Variants in ARFIP2 observed in about 807,000 individuals in gnomAD.
ARFIP2 encodes ARF interacting protein 2.
Under a neutral mutation model 39.2 loss-of-function variants are expected in ARFIP2, and 14 were observed. The observed-to-expected ratio is 0.36, with a 90% CI of 0.24 to 0.56. The LOEUF is 0.56. Ranked by LOEUF, ARFIP2 falls within the 20% of genes least tolerant of loss-of-function variation. The probability of loss-of-function intolerance (pLI) is 0.85; values close to 1 mark genes in which losing one functional copy is unlikely to be tolerated. For missense variants in ARFIP2, 305 were observed against 422.5 expected (o/e 0.72, Z 2.44); for synonymous variants, 167 against 172.4 (o/e 0.97, Z 0.24).
intron 1 of ARFIP2, 138 bp from the exon 2 acceptor site, chr11:6,480,601 G>C (rs1355980273): frequency 1.1e-5 from 6 of 552,788 alleles, no homozygotes; most frequent in Admixed American, 7.1e-5. Context: ...TCAGATATAT[G>C]TATTTCTCCC....
intron 1 of ARFIP2, chr11:6,480,685 T>G: frequency 5.1e-6 from 2 of 392,422 alleles, no homozygotes; most frequent in Middle Eastern, 6.9e-4. Context: ...TCACCAGGAC[T>G]CTGGTGATTA....
Position 6,478,291 on chromosome 11 carries a change from AC to A in ARFIP2, c.538-94del. The A allele has an allele frequency of 6.9e-7, 1 of 1,442,542 alleles. No homozygotes were observed. 89.4% of individuals were successfully genotyped at this position (1,442,542 alleles called of 1,614,324 possible). On this transcript the variant is annotated intron_variant, in intron 5 of 7. Transcript: ENST00000396777. This position sits in a 1 kb window ranked among gnomAD's most constrained non-coding sequence, Gnocchi z 4.8. ...CATTCCCCTCCTCCCCGGGGAGGAC[AC>A]AGCCAGCAAAACTGGAACAACCAAG...
chr11:6,479,087 G>A lies in ARFIP2; in HGVS notation c.315+53C>T, dbSNP rs200729824. ...GGATATTACGATCACGAAGAAAAGG[G>A]AAAAAGGTACCCATAAGGAGTTTTG... On this transcript the variant is annotated intron_variant, in intron 4 of 7. Transcript: ENST00000396777. 2.1e-3 allele frequency: 3,294 copies of A among 1,593,576 alleles called. 38 individuals carry two copies. The highest frequency in any genetic ancestry group is 0.017 in the South Asian group (1,559 of 89,644).
intron 1 of ARFIP2, chr11:6,480,742 C>A: frequency 3.9e-6 from 1 of 255,788 alleles, no homozygotes. Flanking sequence ...TACTATGTGT[C>A]AGGCACTATT....
Position 6,476,628 on chromosome 11 carries a change from G to A in ARFIP2, c.*485C>T, listed in dbSNP as rs143046079. On this transcript the variant is annotated 3_prime_UTR_variant, in exon 8 of 8. Transcript: ENST00000396777. ...GTAGGCCTATTCAGATGCAAGGCCA[G>A]CAATGGGGCTCCCCATTATCCCCAC... 1.4e-4 allele frequency: 22 copies of A among 158,876 alleles called. No individual in the cohort carries two copies. The highest frequency in any genetic ancestry group is 2.9e-4 in the Non-Finnish European group (21 of 71,254). 9.8% of individuals were successfully genotyped at this position (158,876 alleles called of 1,614,324 possible). A position where few individuals can be genotyped will look rare whatever the true frequency, so the allele number is the denominator to read the frequency against.
chr11:6,479,306 C>A, intron 3 of ARFIP2, 48 bp from the exon 4 acceptor site: 3 of 1,613,266 alleles, frequency 1.9e-6, no homozygotes, highest in Non-Finnish European at 2.5e-6. Context: ...ATACACCAGA[C>A]ACCTCTGTGG....
In ARFIP2 at chr11:6,480,410, C is replaced by T; in HGVS notation, c.12G>A (p.Gly4=). The change falls in exon 2 of 8, where the codon GGG becomes GGA. Residue 4 remains glycine, a synonymous_variant. Transcript: ENST00000396777. ...CCATTGTGGCTGCCTTCCCTAGGAT[C>T]CCGTCCGTCATGGCTAGGAAAGGTA... The part of the protein sequence containing the change: MTD[G]ILGKAATMEI... 1 of 1,611,980 alleles carries T rather than the reference C, an allele frequency of 6.2e-7. No homozygotes were observed. The highest frequency in any genetic ancestry group is 8.5e-7 in the Non-Finnish European group (1 of 1,179,064).
Position 6,479,442 on chromosome 11 carries a change from T to C in ARFIP2, c.197-184A>G, listed in dbSNP as rs1468934015. On this transcript the variant is annotated intron_variant, in intron 3 of 7. Transcript: ENST00000396777. ...GCGCGGTGAGAACCAAATCCTGATA[T>C]ACATATGGCCTCCTTGGGGGTTAGA... 6.0e-6 allele frequency: 7 copies of C among 1,167,906 alleles called. No homozygotes were observed. In the African/African-American group the frequency reaches 7.6e-5, roughly 13 times the overall value. The allele number at this position is 1,167,906 out of a possible 1,614,324, so 72.3% of individuals were successfully genotyped here.
rs755561269 is a variant in ARFIP2 at position 6,480,087 on chromosome 11, G to C, written c.100-19C>G. On this transcript the variant is annotated intron_variant, in intron 2 of 7. Transcript: ENST00000396777. ...GGAGGTCCTATAGGCCAGAGAAGAG[G>C]GGTTGCTTCAGGAACATAGGGGCTG... The C allele has an allele frequency of 1.9e-6, 3 of 1,605,622 alleles. No homozygotes were observed. Among genetic ancestry groups the C allele is most frequent in the Non-Finnish European group, 2.6e-6 (3 of 1,175,336 alleles).
rs767165568 is a variant in ARFIP2 at position 6,477,299 on chromosome 11, G to C, written c.871-31C>G. On this transcript the variant is annotated intron_variant, in intron 7 of 7. Transcript: ENST00000396777. This position sits in a 1 kb window ranked among gnomAD's most constrained non-coding sequence, Gnocchi z 4.8. ...GGTCCAGCAGGGTCAGCTAAGGCTG[G>C]ACTCAGGCGCCCTTCTTGAGGGTCT... 1 of 1,602,936 alleles carries C rather than the reference G, an allele frequency of 6.2e-7. No individual in the cohort carries two copies.
At position 6,477,052 on chromosome 11, in the gene ARFIP2, C is replaced by T. The variant is rs889142735; in HGVS notation, c.*61G>A. The T allele has an allele frequency of 2.6e-6, 4 of 1,532,716 alleles. No individual in the cohort carries two copies. The Admixed American group carries it at 5.9e-5, about 22-fold the overall frequency. 94.9% of individuals were successfully genotyped at this position (1,532,716 alleles called of 1,614,324 possible). A position where few individuals can be genotyped will look rare whatever the true frequency, so the allele number is the denominator to read the frequency against. ...AAAGGATGTACCATGTCCAATCTCC[C>T]ACACCCTGGGGCTGCCCTTCCCAAT... On this transcript the variant is annotated 3_prime_UTR_variant, in exon 8 of 8. Coordinates refer to ENST00000396777, the MANE Select transcript of ARFIP2 (RefSeq NM_001376558.2). This position sits in a 1 kb window ranked among gnomAD's most constrained non-coding sequence, Gnocchi z 4.8.
In ARFIP2 at chr11:6,478,113, G is replaced by C. The variant is rs1194194939; in HGVS notation, c.623C>G (p.Ser208Cys). ...TLLGAVNFFV[S>C]SINTLVTKTM... is the part of the protein sequence containing the mutation. ...CTTGGTGACCAATGTGTTGATGCTA[G>C]AGACAAAGAAGTTCACGGCTCCTAG... Residue 208 changes from serine to cysteine, a missense_variant, in exon 6 of 8, where the codon TCT (serine) becomes TGT (cysteine). By Grantham distance (112) the Ser-to-Cys change is moderately radical. Coordinates refer to ENST00000396777, the MANE Select transcript of ARFIP2 (RefSeq NM_001376558.2). This position sits in a 1 kb window ranked among gnomAD's most constrained non-coding sequence, Gnocchi z 4.8. The C allele has an allele frequency of 2.6e-5, 42 of 1,614,030 alleles. No homozygotes were observed. The highest frequency in any genetic ancestry group is 3.5e-5 in the Non-Finnish European group (41 of 1,180,036).
In ARFIP2 at chr11:6,478,263, C is replaced by A. The variant is rs1851310274; in HGVS notation, c.538-65G>T. ...CCTACCTGACTGAAGCTGTAGAGCC[C>A]TTCATTCCCCTCCTCCCCGGGGAGG... On this transcript the variant is annotated intron_variant, in intron 5 of 7. Coordinates refer to ENST00000396777, the MANE Select transcript of ARFIP2 (RefSeq NM_001376558.2). The surrounding 1 kb of genome is among the most constrained non-coding windows in gnomAD (Gnocchi z 4.8). The A allele has an allele frequency of 1.3e-6, 2 of 1,576,414 alleles. No homozygotes were observed. The highest frequency in any genetic ancestry group is 3.4e-5 in the Admixed American group (2 of 58,662).
rs1851287918 is a variant in ARFIP2 at position 6,478,045 on chromosome 11, C to A, written c.691G>T (p.Ala231Ser). The change falls in exon 6 of 8, where the codon GCC becomes TCC. Residue 231 changes from alanine (A) to serine (S), a missense_variant. Coordinates refer to ENST00000396777, the MANE Select transcript of ARFIP2 (RefSeq NM_001376558.2). The surrounding 1 kb of genome is among the most constrained non-coding windows in gnomAD (Gnocchi z 4.8). ...AAGCCCTGCCAGTGCCCACACCTGG[C>A]AGCCTCATACTGTTTCACAGTCATG... ...TLMTVKQYEA[A>S]RLEYDAYRTD... 1 of 1,613,496 alleles carries A rather than the reference C, an allele frequency of 6.2e-7. No individual in the cohort carries two copies. The highest frequency in any genetic ancestry group is 8.5e-7 in the Non-Finnish European group (1 of 1,179,618).
intron 3 of ARFIP2, 26 bp downstream of exon 3, chr11:6,479,946 A>G: frequency 6.2e-7 from 1 of 1,608,096 alleles, no homozygotes; most frequent in Non-Finnish European, 8.5e-7. Context: ...CCTCCACCCA[A>G]GATTCCTGTT....
intron 3 of ARFIP2, chr11:6,479,523 A>G (rs1030180655): frequency 1.6e-6 from 1 of 619,266 alleles, no homozygotes; most frequent in African/African-American, 1.8e-5. Context: ...AGAAGAAAAT[A>G]CACTGAGTTT....
intron 2 of ARFIP2, 43 bp downstream of exon 2, chr11:6,480,280 G>A (rs1198475995): frequency 6.4e-7 from 1 of 1,571,658 alleles, no homozygotes; most frequent in South Asian, 1.1e-5. Context: ...TTTATAAATT[G>A]GATTCCTAAA....
chr11:6,478,611 G>A lies in ARFIP2; in HGVS notation c.537+127C>T. On this transcript the variant is annotated intron_variant, in intron 5 of 7. Coordinates refer to ENST00000396777, the MANE Select transcript of ARFIP2 (RefSeq NM_001376558.2). The surrounding 1 kb of genome is among the most constrained non-coding windows in gnomAD (Gnocchi z 4.8). ...CTGCCTCCACAGGTGAGTGCTGCTG[G>A]GGGTAGGGCTGGGCCCACCCTGAAG... 6.8e-7 allele frequency: 1 copy of A among 1,479,890 alleles called. No individual in the cohort carries two copies. Among genetic ancestry groups the A allele is most frequent in the Non-Finnish European group, 9.0e-7 (1 of 1,113,978 alleles). 91.7% of individuals were successfully genotyped at this position (1,479,890 alleles called of 1,614,324 possible). A position where few individuals can be genotyped will look rare whatever the true frequency, so the allele number is the denominator to read the frequency against.
In ARFIP2 at chr11:6,478,438, G is replaced by A. The variant is rs551482452; in HGVS notation, c.538-240C>T. ...AGTTCACAAGACTGGAACAGTCTGAGAGCTAGTGTGGCAAGCAGGGGAGGG... is the reference window on the plus strand; with the variant it reads ...AGTTCACAAGACTGGAACAGTCTGAAAGCTAGTGTGGCAAGCAGGGGAGGG... On this transcript the variant is annotated intron_variant, in intron 5 of 7. Coordinates refer to ENST00000396777, the MANE Select transcript of ARFIP2 (RefSeq NM_001376558.2). This position sits in a 1 kb window ranked among gnomAD's most constrained non-coding sequence, Gnocchi z 4.8. 6.4e-5 allele frequency: 62 copies of A among 971,764 alleles called. No individual in the cohort carries two copies. In the South Asian group the frequency reaches 1.0e-3, roughly 16 times the overall value. The allele number at this position is 971,764 out of a possible 1,614,324, so 60.2% of individuals were successfully genotyped here. A position where few individuals can be genotyped will look rare whatever the true frequency, so the allele number is the denominator to read the frequency against.
Sources: gnomAD v4.1 joint callset for allele counts on GRCh38, gnomAD v4.1.1 for gene constraint, Gnocchi (gnomAD v3.1) non-coding constraint, MANE v1.5 for transcripts, NCBI Gene and HGNC (gene_info 2026-07-23, HGNC 2026-07-21) for gene names.